GABRB1: variants seen among roughly 807,000 people sequenced by gnomAD.
GABRB1 encodes the protein gamma-aminobutyric acid receptor subunit beta-1.
A neutral mutation model predicts 51.6 loss-of-function variants in GABRB1; 17 were observed. That is an observed-to-expected ratio of 0.33 (90% CI 0.23 to 0.49). GABRB1 has a LOEUF of 0.49. Among genes scored for constraint, GABRB1 ranks in the 20% least tolerant of loss-of-function variants. GABRB1 has a pLI of 0.99. For synonymous variants in GABRB1, 247 were observed against 218.9 expected, an observed-to-expected ratio of 1.13 and a Z score of -1.14; for missense variants, 410 against 600.6, an observed-to-expected ratio of 0.68 and a Z score of 3.32.
chr4:47,247,767 T>TA (rs1285136862), intron 4 of GABRB1, among the ~76,000 whole-genome samples: 3 of 152,044 alleles, frequency 2.0e-5, no homozygotes, highest in Non-Finnish European at 4.4e-5. Context: ...GTATTATATA[T>TA]TTTTTTGCAG....
intron 3 of GABRB1, among the ~76,000 whole-genome samples, chr4:47,113,386 CAAAAAA>C (rs760542350): frequency 9.3e-6 from 1 of 107,096 alleles, no homozygotes; most frequent in South Asian, 3.0e-4. Context: ...ACTTCGTCTC[CAAAAAA>C]AAAAAAAAAA....
intron 3 of GABRB1, among the ~76,000 whole-genome samples, chr4:47,079,670 GA>G (rs1727738175): frequency 6.6e-6 from 1 of 151,966 alleles, no homozygotes; most frequent in African/African-American, 2.4e-5. Flanking sequence ...ATGCAGCCAT[GA>G]AAAATGATGA....
chr4:47,159,181 G>C (rs1421782608), intron 3 of GABRB1, among the ~76,000 whole-genome samples: 2 of 151,882 alleles, frequency 1.3e-5, no homozygotes, highest in African/African-American at 4.8e-5. Flanking sequence ...TACTTGAAAG[G>C]CTGAAAGATA....
At chr4:47,195,417 TAG>T (rs1719620146) in intron 4 of GABRB1, among the ~76,000 whole-genome samples, 1 of 72,164 alleles carries the variant, frequency 1.4e-5, no homozygotes, top group African/African-American at 5.9e-5. Flanking sequence ...GATAGATAGA[TAG>T]ATAGATAGAT....
At chr4:47,360,465 C>T in intron 5 of GABRB1, among the ~76,000 whole-genome samples, 1 of 151,778 alleles carries the variant, frequency 6.6e-6, no homozygotes, top group East Asian at 1.9e-4. Context: ...GAATAGCTGC[C>T]TGTGTTAATA....
chr4:47,259,096 C>A (rs1479145686), intron 4 of GABRB1, among the ~76,000 whole-genome samples: 2 of 151,988 alleles, frequency 1.3e-5, no homozygotes, highest in Admixed American at 1.3e-4. Flanking sequence ...AATTCTAGTC[C>A]CCACAGCCAA....
chr4:47,031,580 T>C lies in GABRB1; in HGVS notation c.-72T>C, dbSNP rs1725298083. The C allele has an allele frequency of 1.5e-6, 2 of 1,306,200 alleles. No homozygotes were observed. Among genetic ancestry groups the C allele is most frequent in the East Asian group, 4.6e-5 (2 of 43,434 alleles). The allele number at this position is 1,306,200 out of a possible 1,614,324, so 80.9% of individuals were successfully genotyped here. On this transcript the variant is annotated 5_prime_UTR_variant, in exon 1 of 9. Coordinates refer to ENST00000295454, the MANE Select transcript of GABRB1 (RefSeq NM_000812.4). ...ATGCGCAGGTCCATTCGGGAATTAC[T>C]GCCCAGCAGCCGACTAAGTTGCATT...
chr4:47,088,269 C>T (rs959911528), intron 3 of GABRB1, among the ~76,000 whole-genome samples: 1 of 152,084 alleles, frequency 6.6e-6, no homozygotes. Context: ...ACACATAATC[C>T]CTGCCCTTGT....
chr4:47,248,759 A>T (rs1721866714), intron 4 of GABRB1, among the ~76,000 whole-genome samples: 1 of 151,992 alleles, frequency 6.6e-6, no homozygotes, highest in South Asian at 2.1e-4. Context: ...CCAGGAAGTT[A>T]TCCATCTCTT....
chr4:47,303,152 G>A (rs1336341833), intron 4 of GABRB1, among the ~76,000 whole-genome samples: 1 of 151,770 alleles, frequency 6.6e-6, no homozygotes, highest in African/African-American at 2.4e-5. Context: ...ATTTTAAAAA[G>A]TTTGACTACT....
intron 3 of GABRB1, among the ~76,000 whole-genome samples, chr4:47,150,792 A>G (rs1347641386): frequency 1.3e-5 from 2 of 151,970 alleles, no homozygotes; most frequent in Non-Finnish European, 2.9e-5. Context: ...AAATGACTAA[A>G]CAAATAGCTG....
At chr4:47,123,798 TATATATC>T (rs1169952610) in intron 3 of GABRB1, among the ~76,000 whole-genome samples, 1 of 90,260 alleles carries the variant, frequency 1.1e-5, no homozygotes, top group Non-Finnish European at 2.0e-5. Flanking sequence ...TATAATATAT[TATATATC>T]ATATATTATA....
chr4:47,245,575 A>G (rs1221852761), intron 4 of GABRB1, among the ~76,000 whole-genome samples: 1 of 152,146 alleles, frequency 6.6e-6, no homozygotes, highest in Non-Finnish European at 1.5e-5. Flanking sequence ...CCAGGGGACA[A>G]TCCACAAACA....
intron 3 of GABRB1, among the ~76,000 whole-genome samples, chr4:47,104,563 C>T (rs1278721818): frequency 1.3e-5 from 2 of 151,274 alleles, no homozygotes; most frequent in Non-Finnish European, 3.0e-5. Context: ...ATTACACATA[C>T]ATTAGATCAT....
intron 1 of GABRB1, among the ~76,000 whole-genome samples, chr4:47,023,049 A>G (rs993316030): frequency 6.6e-6 from 1 of 152,094 alleles, no homozygotes; most frequent in Admixed American, 6.6e-5. Context: ...GGAGATCATT[A>G]TGTTAAGTGA....
chr4:47,020,891 T>C (rs1471173761), intron 1 of GABRB1, among the ~76,000 whole-genome samples: 1 of 152,222 alleles, frequency 6.6e-6, no homozygotes, highest in Non-Finnish European at 1.5e-5. Context: ...CCTGTTACTT[T>C]TTCTGCCACT....
In GABRB1 at chr4:47,350,624, GA is replaced by G. The variant is rs552845251; in HGVS notation, c.544+30423del. Among the ~76,000 whole-genome samples, 496 of 151,282 alleles carry G rather than the reference GA, an allele frequency of 3.3e-3. 2 individuals are homozygous for G. Among genetic ancestry groups the G allele is most frequent in the African/African-American group, 0.011 (457 of 41,270 alleles). On this transcript the variant is annotated intron_variant, in intron 5 of 8. Coordinates refer to ENST00000295454, the MANE Select transcript of GABRB1 (RefSeq NM_000812.4). Reference sequence around the variant, plus strand: ...AATTATATAATATTATATCAAGATAGAAAAAAAACAAAAATTGACACTTGAA... The same window carrying G: ...AATTATATAATATTATATCAAGATAGAAAAAAACAAAAATTGACACTTGAA...
chr4:47,196,546 T>C (rs1719692954), intron 4 of GABRB1, among the ~76,000 whole-genome samples: 1 of 152,146 alleles, frequency 6.6e-6, no homozygotes. Flanking sequence ...AAAAGATTTT[T>C]CCCTCCCTGA....
chr4:47,150,869 TAGA>T (rs1402307965), intron 3 of GABRB1, among the ~76,000 whole-genome samples: 1 of 151,880 alleles, frequency 6.6e-6, no homozygotes, highest in Non-Finnish European at 1.5e-5. Flanking sequence ...GTTTTTTAAG[TAGA>T]AGGAGAGAGA....
Sources: gnomAD v4.1 joint callset for allele counts (sites outside exome capture counted in the v4.1 genomes callset) on GRCh38, gnomAD v4.1.1 for gene constraint, MANE v1.5 for transcripts, NCBI Gene and HGNC (gene_info 2026-07-23, HGNC 2026-07-21) for gene names.